ANKRD44: variants seen among roughly 807,000 people sequenced by gnomAD.
ANKRD44 encodes the protein ankyrin repeat domain 44.
A neutral mutation model predicts 116.0 loss-of-function variants in ANKRD44; 35 were observed. The ratio of observed to expected loss-of-function variants is 0.30; its 90% confidence interval spans 0.23 to 0.40. The LOEUF (loss-of-function observed/expected upper bound fraction) is 0.40, where lower values mean the gene tolerates loss of function less well. Among genes scored for constraint, ANKRD44 ranks in the 10% least tolerant of loss-of-function variants. The pLI is 1.00. For missense variants in ANKRD44, 1,014 were observed against 1,242.6 expected, an observed-to-expected ratio of 0.82 and a Z score of 2.77; for synonymous variants, 435 against 461.8, an observed-to-expected ratio of 0.94 and a Z score of 0.74.
intron 9 of ANKRD44, among the ~76,000 whole-genome samples, chr2:197,100,387 A>G (rs941325619): frequency 2.6e-5 from 4 of 152,184 alleles, no homozygotes; most frequent in Non-Finnish European, 1.5e-5. Context: ...GTGAGCCAAG[A>G]TCGCACCACT....
At chr2:197,261,241 A>T (rs1489581352) in intron 1 of ANKRD44, among the ~76,000 whole-genome samples, 1 of 151,300 alleles carries the variant, frequency 6.6e-6, no homozygotes, top group Admixed American at 6.6e-5. Context: ...ATCCATCTTG[A>T]ATTAATTTTT....
intron 1 of ANKRD44, among the ~76,000 whole-genome samples, chr2:197,300,421 C>G (rs1028143978): frequency 1.4e-4 from 22 of 152,330 alleles, no homozygotes; most frequent in Admixed American, 8.5e-4. Flanking sequence ...CAGCTCCCTT[C>G]TTAATGACTT....
chr2:197,211,603 A>T (rs982104768), intron 1 of ANKRD44, among the ~76,000 whole-genome samples: 1 of 152,140 alleles, frequency 6.6e-6, no homozygotes, highest in African/African-American at 2.4e-5. Context: ...TAACTAACTT[A>T]AAAAAATTAA....
At chr2:197,250,733 A>C (rs1292938919) in intron 1 of ANKRD44, 1 of 152,064 alleles carries the variant, frequency 6.6e-6, no homozygotes, top group Non-Finnish European at 1.5e-5. Context: ...GTAGTGATAC[A>C]GTTTCTCCAA....
rs1387655635 is a variant in ANKRD44, at chr2:197,125,937, T to A, written c.362A>T (p.Lys121Ile). Residue 121 changes from lysine to isoleucine, a missense_variant, in exon 5 of 28, where the codon AAA (lysine) becomes ATA (isoleucine). By Grantham distance (102) the Lys-to-Ile change is moderately radical. Transcript: ENST00000282272. Reference sequence around the variant, plus strand: ...CAGGGGAATGATCACTTCTGCACATTTGACAGCCTTGTTGGCTGCTGCCAC... The same window carrying A: ...CAGGGGAATGATCACTTCTGCACATATGACAGCCTTGTTGGCTGCTGCCAC... ...LHVAAANKAV[K>I]CAEVIIPLLS... 1.2e-6 allele frequency: 2 copies of A among 1,614,216 alleles called. No individual in the cohort carries two copies. The highest frequency in any genetic ancestry group is 1.7e-5 in the Admixed American group (1 of 60,018).
At chr2:197,109,533 T>G (rs1198702226) in intron 9 of ANKRD44, among the ~76,000 whole-genome samples, 2 of 152,234 alleles carry the variant, frequency 1.3e-5, no homozygotes, top group East Asian at 3.9e-4. Flanking sequence ...TGGCTGGTCT[T>G]CCATCCAAAT....
intron 1 of ANKRD44, among the ~76,000 whole-genome samples, chr2:197,245,146 G>T (rs2082164066): frequency 6.6e-6 from 1 of 152,114 alleles, no homozygotes; most frequent in Non-Finnish European, 1.5e-5. Context: ...TGTAATCCCA[G>T]CTCCTGGGGA....
intron 11 of ANKRD44, among the ~76,000 whole-genome samples, chr2:197,089,251 G>A (rs2077989980): frequency 6.6e-6 from 1 of 152,040 alleles, no homozygotes; most frequent in Non-Finnish European, 1.5e-5. Context: ...AGTGAAAGCA[G>A]AATCAGCCAT....
chr2:197,273,018 C>T (rs950737817), intron 1 of ANKRD44, among the ~76,000 whole-genome samples: 1 of 152,140 alleles, frequency 6.6e-6, no homozygotes, highest in African/African-American at 2.4e-5. Context: ...TGATTAAATA[C>T]ACATTAACTT....
downstream of ANKRD44, among the ~76,000 whole-genome samples, chr2:196,982,420 T>C (rs2075808716): frequency 6.6e-6 from 1 of 152,114 alleles, no homozygotes; most frequent in Non-Finnish European, 1.5e-5. Flanking sequence ...GGAGTAAACT[T>C]GCGAGACAGT....
chr2:197,005,569 T>A lies in ANKRD44; in HGVS notation c.2347+125A>T, dbSNP rs112677463. ...ACAAACAAAATACACAAAAAAGATA[T>A]CTTGGATGCAGAAAGATTAGAAACC... On this transcript the variant is annotated intron_variant, in intron 21 of 27. Coordinates refer to ENST00000282272, the MANE Select transcript of ANKRD44 (RefSeq NM_001195144.2). The A allele has an allele frequency of 5.8e-6, 5 of 857,518 alleles. No homozygotes were observed. In the East Asian group the frequency reaches 1.0e-4, roughly 18 times the overall value. 53.1% of individuals were successfully genotyped at this position (857,518 alleles called of 1,614,324 possible).
Position 197,237,739 on chromosome 2 carries a change from T to C in ANKRD44, c.28-50633A>G, listed in dbSNP as rs181564825. On this transcript the variant is annotated intron_variant, in intron 1 of 27. Coordinates refer to ENST00000282272, the MANE Select transcript of ANKRD44 (RefSeq NM_001195144.2). ...TCTGATTGTTTTATTTATTTTGTGA[T>C]AGATTTGGAATGAAATCAGCTCCTC... 4.1e-3 allele frequency among the ~76,000 whole-genome samples: 621 copies of C among 152,374 alleles called. 8 individuals are homozygous for C. Among genetic ancestry groups the C allele is most frequent in the Non-Finnish European group, 5.7e-3 (391 of 68,034 alleles).
chr2:197,043,855 T>G (rs1208405382), intron 16 of ANKRD44, among the ~76,000 whole-genome samples: 2 of 152,168 alleles, frequency 1.3e-5, no homozygotes, highest in Non-Finnish European at 2.9e-5. Context: ...AAGCACTAAT[T>G]CACTCTTGAT....
intron 14 of ANKRD44, among the ~76,000 whole-genome samples, chr2:197,081,961 G>A (rs969960994): frequency 1.3e-5 from 2 of 152,112 alleles, no homozygotes; most frequent in Non-Finnish European, 2.9e-5. Context: ...TTAAGTATCA[G>A]CAATTAAGGT....
intron 1 of ANKRD44, among the ~76,000 whole-genome samples, chr2:197,264,460 C>T (rs1216827397): frequency 2.6e-5 from 4 of 152,202 alleles, no homozygotes; most frequent in Non-Finnish European, 5.9e-5. Context: ...AAAGGAATTT[C>T]CCAGCATGTT....
At chr2:197,271,089 T>C (rs999533971) in intron 1 of ANKRD44, among the ~76,000 whole-genome samples, 3 of 152,318 alleles carry the variant, frequency 2.0e-5, no homozygotes, top group Middle Eastern at 3.4e-3. Flanking sequence ...TTAAAGATTT[T>C]TTAACAAGGA....
At chr2:197,197,700 C>T (rs919464644) in intron 1 of ANKRD44, among the ~76,000 whole-genome samples, 15 of 150,978 alleles carry the variant, frequency 9.9e-5, no homozygotes, top group Non-Finnish European at 1.5e-5. Flanking sequence ...GTCCCAGCGA[C>T]TCGGGAGGCT....
intron 2 of ANKRD44, among the ~76,000 whole-genome samples, chr2:197,157,749 A>G (rs1439374361): frequency 6.6e-6 from 1 of 152,132 alleles, no homozygotes; most frequent in Non-Finnish European, 1.5e-5. Flanking sequence ...TGTTTCCTAA[A>G]TGAAACCTTT....
intron 1 of ANKRD44, among the ~76,000 whole-genome samples, chr2:197,196,491 G>C (rs1240721391): frequency 6.6e-6 from 1 of 152,166 alleles, no homozygotes; most frequent in East Asian, 1.9e-4. Flanking sequence ...TTGTGGTCAT[G>C]AGTAATTTTA....
Sources: gnomAD v4.1 joint callset for allele counts (sites outside exome capture counted in the v4.1 genomes callset) on GRCh38, gnomAD v4.1.1 for gene constraint, MANE v1.5 for transcripts, NCBI Gene and HGNC (gene_info 2026-07-23, HGNC 2026-07-21) for gene names.